Variants in PALM2AKAP2 observed in about 807,000 individuals in gnomAD.
PALM2AKAP2 encodes PALM2 and AKAP2 fusion.
A neutral mutation model predicts 71.5 loss-of-function variants in PALM2AKAP2; 37 were observed. The ratio of observed to expected loss-of-function variants is 0.52; its 90% CI spans 0.40 to 0.68. The LOEUF (loss-of-function observed/expected upper bound fraction) is 0.68. Among genes scored for constraint, PALM2AKAP2 ranks in the 30% least tolerant of loss-of-function variants. PALM2AKAP2 has a pLI of 0.00. For synonymous variants in PALM2AKAP2, 468 were observed against 478.8 expected (o/e 0.98, Z 0.29); for missense variants, 1,224 against 1,191.8 (o/e 1.03, Z -0.40).
chr9:109,730,140 T>C, intron 1 of PALM2AKAP2, among the ~76,000 whole-genome samples: 1 of 151,964 alleles, frequency 6.6e-6, no homozygotes, highest in East Asian at 1.9e-4. Flanking sequence ...AGAGGAGTAA[T>C]AGGAGAAAAA....
chr9:110,161,140 G>C (rs1283635836), intron 3 of PALM2AKAP2, among the ~76,000 whole-genome samples: 2 of 152,142 alleles, frequency 1.3e-5, no homozygotes, highest in African/African-American at 4.8e-5. Context: ...AGATGCAAAG[G>C]AGAGAGAAGA....
At chr9:109,732,586 G>A (rs1175504906) in intron 1 of PALM2AKAP2, among the ~76,000 whole-genome samples, 1 of 152,132 alleles carries the variant, frequency 6.6e-6, no homozygotes, top group Non-Finnish European at 1.5e-5. Context: ...TTCAACACAT[G>A]GATATTTGGG....
rs1419886092 is a variant in PALM2AKAP2 at position 109,942,644 on chromosome 9, T to G, written c.496+10616T>G. The G allele has an allele frequency of 2.0e-6, 3 of 1,514,960 alleles. No homozygotes were observed. The East Asian group carries it at 6.8e-5, about 34-fold the overall frequency. 93.8% of individuals were successfully genotyped at this position (1,514,960 alleles called of 1,614,324 possible). On this transcript the variant is annotated intron_variant, in intron 6 of 9. Transcript: ENST00000302798. ...GGCAATTAACCATTCACTGGCTTTTTTTGTTGTAACATGCACTTCCTTTCT... is the reference window on the plus strand; with the variant it reads ...GGCAATTAACCATTCACTGGCTTTTGTTGTTGTAACATGCACTTCCTTTCT...
chr9:109,796,572 G>A (rs1191115369), intron 1 of PALM2AKAP2, among the ~76,000 whole-genome samples: 1 of 152,140 alleles, frequency 6.6e-6, no homozygotes, highest in African/African-American at 2.4e-5. Context: ...CCTGAGACTG[G>A]GTAATTTGTA....
chr9:110,157,448 G>C (rs554896465), intron 3 of PALM2AKAP2, among the ~76,000 whole-genome samples: 1 of 152,162 alleles, frequency 6.6e-6, no homozygotes, highest in Non-Finnish European at 1.5e-5. Flanking sequence ...ACCCAGGCTG[G>C]AATGCATTGA....
At position 110,017,028 on chromosome 9, in the gene PALM2AKAP2, A is replaced by C. The variant is rs547067110; in HGVS notation, c.582+989A>C. Among the ~76,000 whole-genome samples the C allele has an allele frequency of 6.4e-4, 98 of 152,060 alleles. No individual in the cohort carries two copies. The South Asian group carries it at 8.3e-3, about 13-fold the overall frequency. ...CTGAGTAGCTGGGACTACAGGCGCC[A>C]GCCACCGTGCCTGGCTAATTTTTTG... On this transcript the variant is annotated intron_variant, in intron 7 of 9. Transcript: ENST00000302798.
intron 3 of PALM2AKAP2, among the ~76,000 whole-genome samples, chr9:109,916,735 C>T (rs923883958): frequency 6.6e-6 from 1 of 152,160 alleles, no homozygotes; most frequent in Non-Finnish European, 1.5e-5. Context: ...AGGCTTAAGC[C>T]CATAACAAGC....
chr9:110,010,696 T>A (rs1832865520), intron 6 of PALM2AKAP2, among the ~76,000 whole-genome samples: 1 of 148,598 alleles, frequency 6.7e-6, no homozygotes, highest in African/African-American at 2.4e-5. Flanking sequence ...TAAAGTATAT[T>A]TATAGAATGT....
intron 1 of PALM2AKAP2, among the ~76,000 whole-genome samples, chr9:110,075,182 C>CTTTT (rs888830444): frequency 1.3e-5 from 2 of 152,152 alleles, no homozygotes; most frequent in African/African-American, 4.8e-5. Flanking sequence ...CACCCCTACT[C>CTTTT]TTTTACCTGT....
At chr9:110,046,112 G>A (rs1315018168), upstream of PALM2AKAP2, among the ~76,000 whole-genome samples, 1 of 152,082 alleles carries the variant, frequency 6.6e-6, no homozygotes, top group Non-Finnish European at 1.5e-5. Context: ...CACTGGCCTA[G>A]GAGAAAATAA....
intron 2 of PALM2AKAP2, among the ~76,000 whole-genome samples, chr9:110,141,440 C>T (rs937871786): frequency 2.0e-5 from 3 of 152,166 alleles, no homozygotes; most frequent in Admixed American, 6.5e-5. Context: ...AGCAGGCACC[C>T]GGGCTTCCCA....
Position 110,029,914 on chromosome 9 carries a change from C to T in PALM2AKAP2, c.582+13875C>T, listed in dbSNP as rs756629267. On this transcript the variant is annotated intron_variant, in intron 7 of 9. Transcript: ENST00000302798. ...TGGGTAGAACTCATGTGGCCACTTA[C>T]GATAAGCCTTGTCCTTCTGCAACTG... is the stretch of plus-strand genomic sequence containing the variant. Among the ~76,000 whole-genome samples, 5 of 152,162 alleles carry T rather than the reference C, an allele frequency of 3.3e-5. No individual in the cohort carries two copies. The South Asian group carries it at 8.3e-4, about 25-fold the overall frequency.
chr9:109,714,053 T>TA (rs890643933), intron 1 of PALM2AKAP2, among the ~76,000 whole-genome samples: 3 of 152,132 alleles, frequency 2.0e-5, no homozygotes, highest in African/African-American at 7.2e-5. Flanking sequence ...GTCTATTAAT[T>TA]AAAAAAAATT....
At chr9:109,700,836 T>A (rs1300099757) in intron 1 of PALM2AKAP2, among the ~76,000 whole-genome samples, 1 of 152,200 alleles carries the variant, frequency 6.6e-6, no homozygotes, top group Non-Finnish European at 1.5e-5. Context: ...TTCACCACTC[T>A]CTTATGTTTT....
At position 110,014,554 on chromosome 9, in the gene PALM2AKAP2, C is replaced by T. The variant is rs559956685; in HGVS notation, c.497-1400C>T. Reference sequence around the variant, plus strand: ...TTGGGAGGCTGAAGTGGGCACATCACGTGAGGTCAGGAGTTCGAGACCAGC... The same window carrying T: ...TTGGGAGGCTGAAGTGGGCACATCATGTGAGGTCAGGAGTTCGAGACCAGC... On this transcript the variant is annotated intron_variant, in intron 6 of 9. Coordinates refer to the PALM2AKAP2 transcript ENST00000302798. Among the ~76,000 whole-genome samples the T allele has an allele frequency of 3.8e-4, 58 of 151,732 alleles. 1 individual carries two copies. The highest frequency in any genetic ancestry group is 3.2e-3 in the Admixed American group (48 of 15,210).
At chr9:109,942,917 C>G in intron 6 of PALM2AKAP2, 1 of 1,614,176 alleles carries the variant, frequency 6.2e-7, no homozygotes, top group Non-Finnish European at 8.5e-7. Flanking sequence ...GCTGGACAAT[C>G]AAGCTTAGGA....
intron 1 of PALM2AKAP2, among the ~76,000 whole-genome samples, chr9:109,662,337 T>C (rs1169067645): frequency 1.3e-5 from 2 of 152,234 alleles, no homozygotes; most frequent in Non-Finnish European, 2.9e-5. Flanking sequence ...TTGAAATATG[T>C]TCCATCAGTA....
chr9:110,081,765 T>A (rs1834454416), intron 1 of PALM2AKAP2, among the ~76,000 whole-genome samples: 1 of 152,002 alleles, frequency 6.6e-6, no homozygotes, highest in Admixed American at 6.6e-5. Flanking sequence ...CTGCTTGTGC[T>A]GGGTCCCTGC....
Position 109,880,510 on chromosome 9 carries a change from A to T in PALM2AKAP2, c.127-41A>T, listed in dbSNP as rs777352347. ...CAGAGGGAGAGGACAGTGTGGACTG[A>T]AAAGTATCATCTTGTCTGTTGTCTT... On this transcript the variant is annotated intron_variant, in intron 2 of 9. Transcript: ENST00000302798. 2.6e-5 allele frequency: 42 copies of T among 1,609,262 alleles called. 2 individuals carry two copies. The South Asian group carries it at 4.6e-4, about 18-fold the overall frequency.
Sources: gnomAD v4.1 joint callset for allele counts (sites outside exome capture counted in the v4.1 genomes callset) on GRCh38, gnomAD v4.1.1 for gene constraint, MANE v1.5 for transcripts, NCBI Gene and HGNC (gene_info 2026-07-23, HGNC 2026-07-21) for gene names.